The following TNS2 variants were observed in gnomAD, a reference collection of about 807,000 sequenced individuals.
The protein encoded by TNS2 is tensin 2.
A neutral mutation model predicts 155.7 loss-of-function variants in TNS2; 77 were observed. That is an observed-to-expected ratio of 0.49 (90% confidence interval 0.41 to 0.60). TNS2 has a LOEUF of 0.60. Among genes scored for constraint, TNS2 ranks in the 20% least tolerant of loss-of-function variants. The pLI is 0.00. For missense variants in TNS2, 1,703 were observed against 1,868.8 expected, an observed-to-expected ratio of 0.91 and a Z score of 1.64; for synonymous variants, 726 against 763.9, an observed-to-expected ratio of 0.95 and a Z score of 0.82.
At position 53,059,582 on chromosome 12, in the gene TNS2, G is replaced by T. The variant is rs375551494; in HGVS notation, c.1941G>T (p.Leu647=). 5 of 1,605,516 alleles carry T rather than the reference G, an allele frequency of 3.1e-6. No individual in the cohort carries two copies. The East Asian group carries it at 8.9e-5, about 29-fold the overall frequency. ...SMEKRRLCRS[L]SEGLYPYPPE... is the part of the protein sequence containing the mutation. ...AGAAGAGGCGCCTCTGCCGATCGCT[G>T]TCAGAGGGGCTATACCCCTACCCAC... is the stretch of plus-strand genomic sequence containing the variant. Residue 647 remains leucine (L), a synonymous_variant, in exon 18 of 29, where the codon CTG becomes CTT. Coordinates refer to ENST00000314250, the MANE Select transcript of TNS2 (RefSeq NM_170754.4). This position sits in a 1 kb window ranked among gnomAD's most constrained non-coding sequence, Gnocchi z 4.7.
At chr12:53,049,997 A>G, upstream of TNS2, 1 of 1,359,814 alleles carries the variant, frequency 7.4e-7, no homozygotes, top group Non-Finnish European at 9.6e-7. Context: ...TTCCTGGAGC[A>G]GCGACCTGCC....
intron 14 of TNS2, 101 bp from the exon 15 acceptor site, chr12:53,058,215 T>G (rs530198425): frequency 1.2e-5 from 19 of 1,604,434 alleles, no homozygotes; most frequent in Non-Finnish European, 1.5e-5. Flanking sequence ...GAGATCACCT[T>G]GAGATCGAGG....
chr12:53,060,480 C>T lies in TNS2; in HGVS notation c.2693C>T (p.Pro898Leu), dbSNP rs766655226. Reference sequence around the variant, plus strand: ...CTGCCTCGGTCTCCCCGAGATGCCCCATGCAGTGCTTCGTCAGAGTTGTCT... The same window carrying T: ...CTGCCTCGGTCTCCCCGAGATGCCCTATGCAGTGCTTCGTCAGAGTTGTCT... ...STLPRSPRDA[P>L]CSASSELSGP... is the part of the protein sequence containing the mutation. Residue 898 changes from proline (P) to leucine (L), a missense_variant, in exon 19 of 29, where the codon CCA (proline) becomes CTA (leucine). Physicochemically the swap from Pro to Leu is moderately conservative, Grantham distance 98. Coordinates refer to ENST00000314250, the MANE Select transcript of TNS2 (RefSeq NM_170754.4). The surrounding 1 kb of genome is among the most constrained non-coding windows in gnomAD (Gnocchi z 6.1). The T allele has an allele frequency of 6.2e-7, 1 of 1,613,886 alleles. No homozygotes were observed. The highest frequency in any genetic ancestry group is 2.2e-5 in the East Asian group (1 of 44,886).
intron 3 of TNS2, chr12:53,052,983 C>A (rs1943995253): frequency 3.3e-6 from 1 of 307,394 alleles, no homozygotes; most frequent in Non-Finnish European, 6.3e-6. Context: ...CTGAGACAGC[C>A]CTGTCTCTGA....
Position 53,060,625 on chromosome 12 carries a change from G to A in TNS2, c.2769-50G>A, listed in dbSNP as rs765118566. 7 of 1,590,912 alleles carry A rather than the reference G, an allele frequency of 4.4e-6. No homozygotes were observed. Among genetic ancestry groups the A allele is most frequent in the African/African-American group, 2.7e-5 (2 of 74,632 alleles). On this transcript the variant is annotated intron_variant, in intron 19 of 28. Transcript: ENST00000314250. The surrounding 1 kb of genome is among the most constrained non-coding windows in gnomAD (Gnocchi z 6.1). ...CAGTTGATGAAGGCAGGTGGGGTGG[G>A]AGCAGCCACAATGGGGGCTCTGCTG...
chr12:53,059,837 G>A lies in TNS2; in HGVS notation c.2196G>A (p.Gly732=). 1.2e-6 allele frequency: 2 copies of A among 1,612,948 alleles called. No homozygotes were observed. The highest frequency in any genetic ancestry group is 1.7e-6 in the Non-Finnish European group (2 of 1,179,934). ...CTCTCCTGCACCCAGTGCGGCCTGGGCACCCGCTGCCTCTGCTCTTGCCTG... is the reference window on the plus strand; with the variant it reads ...CTCTCCTGCACCCAGTGCGGCCTGGACACCCGCTGCCTCTGCTCTTGCCTG... ...GKPLLHPVRP[G]HPLPLLLPAC... Residue 732 remains glycine, a synonymous_variant, in exon 18 of 29, where the codon GGG becomes GGA. Transcript: ENST00000314250. This position sits in a 1 kb window ranked among gnomAD's most constrained non-coding sequence, Gnocchi z 4.7.
Position 53,063,762 on chromosome 12 carries a change from C to T in TNS2, c.4110C>T (p.Ala1370=), listed in dbSNP as rs760437418. 191 of 1,614,024 alleles carry T rather than the reference C, an allele frequency of 1.2e-4. No homozygotes were observed. The highest frequency in any genetic ancestry group is 1.4e-4 in the Non-Finnish European group (166 of 1,180,020). The change falls in exon 29 of 29, where the codon GCC becomes GCT. Residue 1370 remains alanine, a synonymous_variant. Transcript: ENST00000314250. The surrounding 1 kb of genome is among the most constrained non-coding windows in gnomAD (Gnocchi z 5.6). ...GTTSKIFGFV[A]KKPGSPWENV... ...CCCCTAGGATCTTTGGTTTCGTGGC[C>T]AAGAAGCCGGGAAGCCCCTGGGAGA... is the stretch of plus-strand genomic sequence containing the variant.
chr12:53,060,204 G>A lies in TNS2; in HGVS notation c.2563G>A (p.Asp855Asn). The stretch of plus-strand genomic sequence containing the variant: ...CGAGATCCCTACGGAGGAGGGAGGG[G>A]ACAGGTACCCATTGCCTGGGCACCT... ...SYEIPTEEGG[D>N]RYPLPGHLAS... The change falls in exon 18 of 29, where the codon GAC (aspartate) becomes AAC (asparagine). Residue 855 changes from aspartate (D) to asparagine (N), a missense_variant. By Grantham distance (23) the Asp-to-Asn change is conservative. Coordinates refer to ENST00000314250, the MANE Select transcript of TNS2 (RefSeq NM_170754.4). The surrounding 1 kb of genome is among the most constrained non-coding windows in gnomAD (Gnocchi z 6.1). The A allele has an allele frequency of 6.4e-7, 1 of 1,574,058 alleles. No homozygotes were observed. The highest frequency in any genetic ancestry group is 1.7e-4 in the Middle Eastern group (1 of 5,892).
chr12:53,052,668 C>G (rs1263625907), intron 3 of TNS2, among the ~76,000 whole-genome samples, 176 bp downstream of exon 3: 1 of 151,990 alleles, frequency 6.6e-6, no homozygotes, highest in African/African-American at 2.4e-5. Flanking sequence ...CACCCTACTC[C>G]GCCTTCTGGA....
rs1392802225 is a variant in TNS2, at chr12:53,054,122, C to G, written c.350+108C>G. The G allele has an allele frequency of 3.8e-6, 6 of 1,572,250 alleles. No individual in the cohort carries two copies. The South Asian group carries it at 4.5e-5, about 12-fold the overall frequency. On this transcript the variant is annotated intron_variant, in intron 6 of 28. Transcript: ENST00000314250. ...GAGCTCCCCGGGACAGCCCCCCACC[C>G]CCAAAGCGGTATTCTCCCTCCAGAC...
At chr12:53,054,625 T>C (rs1944074289) in intron 7 of TNS2, among the ~76,000 whole-genome samples, 184 bp downstream of exon 7, 1 of 152,228 alleles carries the variant, frequency 6.6e-6, no homozygotes, top group South Asian at 2.1e-4. Context: ...CGCTGGCGAC[T>C]TGGCTGTGAC....
Position 53,062,240 on chromosome 12 carries a change from A to G in TNS2, c.3662A>G (p.Tyr1221Cys), listed in dbSNP as rs1476187696. The change falls in exon 23 of 29, where the codon TAC becomes TGC. Residue 1221 changes from tyrosine (Y) to cysteine (C), a missense_variant. Transcript: ENST00000314250. ...VKIKGCPSEP[Y>C]FGSLSALVSQ... ...ATCAAGGGCTGCCCCAGTGAGCCCTACTTTGGTGAGAAGCAGGAGCCTGGG... is the reference window on the plus strand; with the variant it reads ...ATCAAGGGCTGCCCCAGTGAGCCCTGCTTTGGTGAGAAGCAGGAGCCTGGG... 2.5e-6 allele frequency: 4 copies of G among 1,613,836 alleles called. No homozygotes were observed. Among genetic ancestry groups the G allele is most frequent in the Non-Finnish European group, 3.4e-6 (4 of 1,179,922 alleles).
In TNS2 at chr12:53,050,385, C is replaced by A; in HGVS notation, c.75+125C>A. The A allele has an allele frequency of 8.7e-7, 1 of 1,143,648 alleles. No homozygotes were observed. The highest frequency in any genetic ancestry group is 1.2e-6 in the Non-Finnish European group (1 of 818,604). The allele number at this position is 1,143,648 out of a possible 1,614,324, so 70.8% of individuals were successfully genotyped here. On this transcript the variant is annotated intron_variant, in intron 1 of 28. Transcript: ENST00000314250. The surrounding 1 kb of genome is among the most constrained non-coding windows in gnomAD (Gnocchi z 4.7). The stretch of plus-strand genomic sequence containing the variant: ...AGCTTCCTCAGCCTTCTTCCCTGGC[C>A]CAGCATCCCCTCCGGAGTGGCCAGG...
At position 53,057,602 on chromosome 12, in the gene TNS2, C is replaced by T. The variant is rs946046189; in HGVS notation, c.881C>T (p.Ser294Phe). The change falls in exon 12 of 29, where the codon TCC (serine) becomes TTC (phenylalanine). Residue 294 changes from serine to phenylalanine, a missense_variant. Transcript: ENST00000314250. ...TACTTCAGTGGGCTGCTATCTGGCT[C>T]CATCAGAATGAACAGCAGCCCTCTC... Reference protein sequence around the residue: ...ISYFSGLLSGSIRMNSSPLFL... With the variant: ...ISYFSGLLSGFIRMNSSPLFL... 4.3e-6 allele frequency: 7 copies of T among 1,613,846 alleles called. No homozygotes were observed. Among genetic ancestry groups the T allele is most frequent in the Admixed American group, 1.7e-5 (1 of 60,004 alleles).
Position 53,063,284 on chromosome 12 carries a change from C to A in TNS2, c.3992+27C>A, listed in dbSNP as rs1342689229. 10 of 1,613,824 alleles carry A rather than the reference C, an allele frequency of 6.2e-6. No individual in the cohort carries two copies. The highest frequency in any genetic ancestry group is 1.3e-5 in the African/African-American group (1 of 74,914). On this transcript the variant is annotated intron_variant, in intron 26 of 28. Coordinates refer to ENST00000314250, the MANE Select transcript of TNS2 (RefSeq NM_170754.4). The surrounding 1 kb of genome is among the most constrained non-coding windows in gnomAD (Gnocchi z 5.6). ...TATGTATACTCAGCCCTGTAGAACC[C>A]CATGCTTAAGGCCCCTGGGGGCTCA...
Position 53,057,073 on chromosome 12 carries a change from A to G in TNS2, c.822A>G (p.Thr274=). The G allele has an allele frequency of 1.9e-6, 3 of 1,613,594 alleles. No homozygotes were observed. Among genetic ancestry groups the G allele is most frequent in the Non-Finnish European group, 2.5e-6 (3 of 1,179,858 alleles). ...MRKFCEDKVA[T]ELQPSQRRYI... ...AATTCTGCGAGGACAAGGTGGCCACAGAACTGCAGCCCTCCCAGCGTCGGT... is the reference window on the plus strand; with the variant it reads ...AATTCTGCGAGGACAAGGTGGCCACGGAACTGCAGCCCTCCCAGCGTCGGT... Residue 274 remains threonine (T), a synonymous_variant, in exon 11 of 29, where the codon ACA becomes ACG. Transcript: ENST00000314250.
At position 53,062,458 on chromosome 12, in the gene TNS2, G is replaced by A. The variant is rs1565613605; in HGVS notation, c.3745+5G>A. On this transcript the variant is annotated splice_donor_5th_base_variant and intron_variant, in intron 24 of 28. Transcript: ENST00000314250. The stretch of plus-strand genomic sequence containing the variant: ...GCCTGCGCATTCCCAGCAAAGGTGA[G>A]TGTCTGGTCATCTGTCCTCCCCACC... 6.2e-7 allele frequency: 1 copy of A among 1,613,648 alleles called. No homozygotes were observed. Among genetic ancestry groups the A allele is most frequent in the Admixed American group, 1.7e-5 (1 of 60,012 alleles).
chr12:53,049,185 G>A, upstream of TNS2: 1 of 1,596,024 alleles, frequency 6.3e-7, no homozygotes, highest in Non-Finnish European at 8.5e-7. Flanking sequence ...GGGACCTCCT[G>A]TCCAGTCCTC....
intron 22 of TNS2, 101 bp downstream of exon 22, chr12:53,062,041 T>C (rs917317289): frequency 3.7e-6 from 6 of 1,611,450 alleles, no homozygotes; most frequent in Non-Finnish European, 4.2e-6. Flanking sequence ...GCCATGCCGC[T>C]GTAGAGGGGA....
Sources: gnomAD v4.1 joint callset for allele counts (sites outside exome capture counted in the v4.1 genomes callset) on GRCh38, gnomAD v4.1.1 for gene constraint, Gnocchi (gnomAD v3.1) non-coding constraint, MANE v1.5 for transcripts, NCBI Gene and HGNC (gene_info 2026-07-23, HGNC 2026-07-21) for gene names.